The following LOC128462377 variants were observed in gnomAD, a reference collection of about 807,000 sequenced individuals.
chr16:89,373,772 C>T, the LOC128462377 span, among the ~76,000 whole-genome samples: 2 of 152,238 alleles, frequency 1.3e-5, no homozygotes, highest in African/African-American at 4.8e-5. Context: ...TGGGATCCCC[C>T]AAGAACCCAG....
At chr16:89,356,488 A>AG in the LOC128462377 span, among the ~76,000 whole-genome samples, 1 of 152,018 alleles carries the variant, frequency 6.6e-6, no homozygotes, top group Non-Finnish European at 1.5e-5. Context: ...AGAATGTAAC[A>AG]GGGCCAGGCG....
the LOC128462377 span, among the ~76,000 whole-genome samples, chr16:89,359,256 T>C: frequency 3.4e-4 from 52 of 152,306 alleles, 1 homozygote; most frequent in African/African-American, 1.2e-3. Context: ...AAATGCTAGA[T>C]GCAAACTGCT....
At chr16:89,394,619 ACT>A in the LOC128462377 span, among the ~76,000 whole-genome samples, 9 of 137,236 alleles carry the variant, frequency 6.6e-5, no homozygotes, top group Non-Finnish European at 1.4e-4. Flanking sequence ...CAAAAGCAAA[ACT>A]CTGTCTCCAA....
At chr16:89,329,009 G>A in the LOC128462377 span, 84,093 of 137,822 alleles carry the variant, frequency 0.61, 26,179 homozygotes, top group Middle Eastern at 0.72. Context: ...GCGCACGGGC[G>A]AATCTGCAGA....
the LOC128462377 span, among the ~76,000 whole-genome samples, chr16:89,321,932 C>CGCT: frequency 2.0e-5 from 3 of 152,174 alleles, no homozygotes; most frequent in African/African-American, 2.4e-5. Flanking sequence ...CGTGGAGACC[C>CGCT]GCTGCTGCTG....
the LOC128462377 span, among the ~76,000 whole-genome samples, chr16:89,417,747 A>G: frequency 1.3e-5 from 2 of 152,042 alleles, no homozygotes; most frequent in African/African-American, 4.8e-5. Context: ...AGGATACAGA[A>G]TCCTCATCCA....
the LOC128462377 span, among the ~76,000 whole-genome samples, chr16:89,338,586 G>A: frequency 6.6e-5 from 10 of 151,750 alleles, no homozygotes; most frequent in African/African-American, 2.2e-4. Flanking sequence ...TTAGCTGGGC[G>A]TGGTGGCATG....
chr16:89,318,923 T>A, the LOC128462377 span, among the ~76,000 whole-genome samples: 1 of 152,184 alleles, frequency 6.6e-6, no homozygotes, highest in African/African-American at 2.4e-5. Flanking sequence ...CCTGAACCAA[T>A]GAATTTTACA....
chr16:89,358,230 G>T, the LOC128462377 span, among the ~76,000 whole-genome samples: 3 of 152,244 alleles, frequency 2.0e-5, no homozygotes, highest in African/African-American at 7.2e-5. Flanking sequence ...TCTGGCATCA[G>T]CACTGGTCCC....
the LOC128462377 span, among the ~76,000 whole-genome samples, chr16:89,385,322 T>G: frequency 2.6e-5 from 4 of 151,592 alleles, no homozygotes; most frequent in Admixed American, 6.6e-5. Context: ...AGAGACGCTG[T>G]TTTGCCATGT....
the LOC128462377 span, among the ~76,000 whole-genome samples, chr16:89,416,905 C>A: frequency 6.6e-6 from 1 of 152,150 alleles, no homozygotes; most frequent in Non-Finnish European, 1.5e-5. Context: ...CGCTGCCCCC[C>A]TTTTCCCATG....
the LOC128462377 span, among the ~76,000 whole-genome samples, chr16:89,405,240 T>C: frequency 6.6e-6 from 1 of 152,136 alleles, no homozygotes; most frequent in Non-Finnish European, 1.5e-5. Flanking sequence ...GTACCACATA[T>C]GCGGTCTGTT....
At chr16:89,379,762 G>A in the LOC128462377 span, among the ~76,000 whole-genome samples, 1 of 152,208 alleles carries the variant, frequency 6.6e-6, no homozygotes, top group Non-Finnish European at 1.5e-5. Flanking sequence ...CAAAGAACTT[G>A]GACTGAGTAC....
At chr16:89,415,117 C>T in the LOC128462377 span, among the ~76,000 whole-genome samples, 2 of 151,908 alleles carry the variant, frequency 1.3e-5, no homozygotes, top group Admixed American at 6.6e-5. Flanking sequence ...CCATGCCTGG[C>T]TCATTTTTTT....
At chr16:89,404,769 G>T in the LOC128462377 span, among the ~76,000 whole-genome samples, 1 of 152,216 alleles carries the variant, frequency 6.6e-6, no homozygotes, top group Non-Finnish European at 1.5e-5. Context: ...GCTCAGCCAC[G>T]CCTACCTCGC....
At chr16:89,368,894 G>C in the LOC128462377 span, among the ~76,000 whole-genome samples, 1 of 152,102 alleles carries the variant, frequency 6.6e-6, no homozygotes, top group Non-Finnish European at 1.5e-5. Flanking sequence ...GAAAGACTCT[G>C]TTTCCAAAAA....
At chr16:89,373,916 C>T in the LOC128462377 span, among the ~76,000 whole-genome samples, 5 of 152,208 alleles carry the variant, frequency 3.3e-5, no homozygotes, top group African/African-American at 7.2e-5. Context: ...GCGGTCCACA[C>T]GGGACAGGGT....
chr16:89,401,776 G>C, the LOC128462377 span, among the ~76,000 whole-genome samples: 5 of 152,286 alleles, frequency 3.3e-5, no homozygotes, highest in African/African-American at 1.2e-4. Flanking sequence ...TGGACACTGA[G>C]CTGTGCACGC....
chr16:89,391,177 G>A, the LOC128462377 span, among the ~76,000 whole-genome samples: 21 of 149,526 alleles, frequency 1.4e-4, no homozygotes, highest in African/African-American at 4.5e-4. Context: ...GCAGTGAGCC[G>A]AGATCGCGCC....
Sources: allele counts gnomAD v4.1 joint callset (sites outside exome capture counted in the v4.1 genomes callset), GRCh38; gene constraint gnomAD v4.1.1; transcripts MANE v1.5.